VDAC1: variants seen among roughly 807,000 people sequenced by gnomAD.
VDAC1 encodes the protein voltage dependent anion channel 1.
A neutral mutation model predicts 34.7 loss-of-function variants in VDAC1; 10 were observed. The observed-to-expected ratio is 0.29, with a 90% CI of 0.18 to 0.49. The LOEUF (loss-of-function observed/expected upper bound fraction) is 0.49, where lower values mean the gene tolerates loss of function less well. VDAC1 is among the 20% of genes least tolerant of loss of function. The pLI, the probability that VDAC1 is intolerant of heterozygous loss-of-function variation, is 0.99. For missense variants in VDAC1, 230 were observed against 347.9 expected (o/e 0.66, Z 2.69); for synonymous variants, 130 against 136.0 (o/e 0.96, Z 0.30).
the VDAC1 span, among the ~76,000 whole-genome samples, chr5:134,074,033 C>G: frequency 4.3e-4 from 65 of 152,218 alleles, no homozygotes; most frequent in African/African-American, 1.5e-3. Flanking sequence ...TAAAAGCTGG[C>G]TGGGCGCAGT....
the VDAC1 span, among the ~76,000 whole-genome samples, chr5:134,020,888 G>A: frequency 6.6e-6 from 1 of 152,066 alleles, no homozygotes; most frequent in African/African-American, 2.4e-5. Context: ...CCAGTCACAG[G>A]GGCTCACTCT....
At chr5:134,024,568 C>T in the VDAC1 span, among the ~76,000 whole-genome samples, 2 of 151,000 alleles carry the variant, frequency 1.3e-5, no homozygotes, top group South Asian at 4.2e-4. Flanking sequence ...GCTAATTCCT[C>T]CCAACCACTT....
intron 1 of VDAC1, among the ~76,000 whole-genome samples, chr5:134,002,703 G>A (rs71587514): frequency 0.11 from 16,533 of 152,160 alleles, 1,018 homozygotes; most frequent in South Asian, 0.22. Flanking sequence ...GGTGGCTCAC[G>A]CGTGTAATCC....
At chr5:134,042,384 C>T in the VDAC1 span, among the ~76,000 whole-genome samples, 3 of 152,244 alleles carry the variant, frequency 2.0e-5, no homozygotes, top group Admixed American at 2.0e-4. Flanking sequence ...CCCTTGCCCA[C>T]AGGCCCATGC....
At chr5:134,026,682 C>A in the VDAC1 span, among the ~76,000 whole-genome samples, 29 of 152,286 alleles carry the variant, frequency 1.9e-4, no homozygotes, top group Non-Finnish European at 2.9e-4. Flanking sequence ...CAGCTGCATT[C>A]CACCTGGCAG....
At chr5:133,999,800 A>G (rs1753470653) in intron 1 of VDAC1, among the ~76,000 whole-genome samples, 1 of 152,172 alleles carries the variant, frequency 6.6e-6, no homozygotes, top group Non-Finnish European at 1.5e-5. Context: ...GATCCCTGCA[A>G]AGACGCTAAC....
intron 6 of VDAC1, among the ~76,000 whole-genome samples, chr5:133,979,710 G>A (rs71587511): frequency 0.23 from 34,987 of 152,108 alleles, 4,687 homozygotes; most frequent in Admixed American, 0.29. Flanking sequence ...TTACAGGCGT[G>A]AGCCACGACG....
At chr5:134,004,854 C>G (rs1173095602) in intron 1 of VDAC1, 41 bp downstream of exon 1, 1 of 151,418 alleles carries the variant, frequency 6.6e-6, no homozygotes, top group Non-Finnish European at 1.5e-5. Flanking sequence ...GCGTCCAGGC[C>G]GGGCCAGGGT....
chr5:134,029,518 A>G, the VDAC1 span, among the ~76,000 whole-genome samples: 1 of 152,228 alleles, frequency 6.6e-6, no homozygotes, highest in Non-Finnish European at 1.5e-5. Flanking sequence ...ACTTTCTGCA[A>G]TGATAGAACA....
At chr5:134,025,767 A>AT in the VDAC1 span, among the ~76,000 whole-genome samples, 26 of 149,964 alleles carry the variant, frequency 1.7e-4, no homozygotes, top group African/African-American at 5.7e-4. Flanking sequence ...GTTTCTTTTC[A>AT]TTTTTTTTCA....
intron 1 of VDAC1, among the ~76,000 whole-genome samples, chr5:133,997,439 T>A (rs1753357425): frequency 6.6e-6 from 1 of 152,082 alleles, no homozygotes; most frequent in Non-Finnish European, 1.5e-5. Context: ...GGCTCATGCC[T>A]GTAATCCCAG....
At chr5:134,078,971 CTTTT>C in the VDAC1 span, among the ~76,000 whole-genome samples, 2 of 139,952 alleles carry the variant, frequency 1.4e-5, no homozygotes, top group African/African-American at 5.3e-5. Context: ...GACCCCCCTC[CTTTT>C]TTTTTTTCTT....
At chr5:133,987,059 T>C (rs918097221) in intron 5 of VDAC1, among the ~76,000 whole-genome samples, 17 of 152,178 alleles carry the variant, frequency 1.1e-4, no homozygotes, top group African/African-American at 4.1e-4. Context: ...AGGATGGCAA[T>C]AGAAAATTAC....
At chr5:134,096,235 C>G in the VDAC1 span, among the ~76,000 whole-genome samples, 2 of 152,236 alleles carry the variant, frequency 1.3e-5, no homozygotes, top group African/African-American at 4.8e-5. Context: ...CTGACACTGC[C>G]GAGGGCAATG....
chr5:134,030,441 G>C, the VDAC1 span, among the ~76,000 whole-genome samples: 4 of 152,204 alleles, frequency 2.6e-5, no homozygotes, highest in African/African-American at 7.2e-5. Flanking sequence ...GTAATGCATA[G>C]AGCCTTCTGC....
At chr5:134,001,098 G>T (rs1561600328) in intron 1 of VDAC1, among the ~76,000 whole-genome samples, 1 of 152,218 alleles carries the variant, frequency 6.6e-6, no homozygotes, top group African/African-American at 2.4e-5. Context: ...GAAAAATAAT[G>T]TCTCCCATCT....
chr5:134,012,873 T>C, the VDAC1 span, among the ~76,000 whole-genome samples: 4 of 152,138 alleles, frequency 2.6e-5, no homozygotes, highest in African/African-American at 7.2e-5. Flanking sequence ...CCAAACAGCA[T>C]AGTACTGGTA....
chr5:133,984,950 A>G lies in VDAC1; in HGVS notation c.324-3994T>C, dbSNP rs114458452. 5.6e-3 allele frequency among the ~76,000 whole-genome samples: 848 copies of G among 152,314 alleles called. 7 individuals carry two copies. The highest frequency in any genetic ancestry group is 0.019 in the African/African-American group (797 of 41,564). ...GACTGTCTCAAAAAAATAAATAAAT[A>G]AAAATTTAAAAAGTAAAGATGCTTA... On this transcript the variant is annotated intron_variant, in intron 5 of 8. Transcript: ENST00000265333.
the VDAC1 span, among the ~76,000 whole-genome samples, chr5:134,036,148 C>G: frequency 6.6e-6 from 1 of 151,900 alleles, no homozygotes; most frequent in Non-Finnish European, 1.5e-5. Flanking sequence ...TATTTCCTCA[C>G]AAGATATTTA....
Sources: gnomAD v4.1 joint callset for allele counts (sites outside exome capture counted in the v4.1 genomes callset) on GRCh38, gnomAD v4.1.1 for gene constraint, MANE v1.5 for transcripts, NCBI Gene and HGNC (gene_info 2026-07-23, HGNC 2026-07-21) for gene names.